Variants in NFIL3 observed in about 807,000 individuals in gnomAD.
The protein encoded by NFIL3 is nuclear factor interleukin-3-regulated protein.
NFIL3 carries 5 observed loss-of-function variants against 10.0 expected under a neutral mutation model. That is an observed-to-expected ratio of 0.50 (90% CI 0.26 to 1.06). The LOEUF is 1.06. NFIL3 is among the 50% of genes least tolerant of loss of function. The probability of loss-of-function intolerance (pLI) is 0.13; values close to 1 mark genes in which losing one functional copy is unlikely to be tolerated. For synonymous variants in NFIL3, 202 were observed against 206.5 expected, an observed-to-expected ratio of 0.98 and a Z score of 0.19; for missense variants, 436 against 547.6, an observed-to-expected ratio of 0.80 and a Z score of 2.03.
At chr9:91,415,497 T>C (rs1380507789) in intron 1 of NFIL3, among the ~76,000 whole-genome samples, 7 of 152,226 alleles carry the variant, frequency 4.6e-5, no homozygotes, top group Non-Finnish European at 1.0e-4. Context: ...TGGTTCTGCA[T>C]CTTTGCAATG....
At chr9:91,461,988 G>A in the NFIL3 span, among the ~76,000 whole-genome samples, 6 of 152,068 alleles carry the variant, frequency 3.9e-5, no homozygotes, top group African/African-American at 1.2e-4. Flanking sequence ...TTGGAATCTA[G>A]TCAACATTAA....
chr9:91,446,203 A>G, the NFIL3 span, among the ~76,000 whole-genome samples: 1 of 152,130 alleles, frequency 6.6e-6, no homozygotes, highest in Non-Finnish European at 1.5e-5. Flanking sequence ...CCTCTTGCTT[A>G]CCTTTCCCTG....
At chr9:91,464,803 C>T in the NFIL3 span, among the ~76,000 whole-genome samples, 6 of 151,996 alleles carry the variant, frequency 3.9e-5, no homozygotes, top group Non-Finnish European at 8.8e-5. Context: ...TTGGTGTGAA[C>T]TTTTTTTCTT....
At chr9:91,451,198 A>G in the NFIL3 span, among the ~76,000 whole-genome samples, 1 of 152,000 alleles carries the variant, frequency 6.6e-6, no homozygotes, top group South Asian at 2.1e-4. Context: ...TTCCAATTGC[A>G]CCCAATCCTT....
intron 1 of NFIL3, among the ~76,000 whole-genome samples, chr9:91,421,661 C>T (rs1047256033): frequency 6.6e-6 from 1 of 152,180 alleles, no homozygotes; most frequent in Non-Finnish European, 1.5e-5. Flanking sequence ...AAGGTGGCGC[C>T]ACGCGGCCCC....
rs200176892 is a variant in NFIL3, at chr9:91,409,417, A to G, written c.1318T>C (p.Leu440=). 92 of 1,613,424 alleles carry G rather than the reference A, an allele frequency of 5.7e-5. 3 individuals carry two copies. The South Asian group carries it at 9.6e-4, about 17-fold the overall frequency. ...TTGAGTGAGACAACCTCTGCAGATA[A>G]GTTTGCTATCCCCTGCTTCAAATAC... is the stretch of plus-strand genomic sequence containing the variant. ...NLYLKQGIAN[L]SAEVVSLKRL... The change falls in exon 2 of 2, where the codon TTA becomes CTA. Residue 440 remains leucine (L), a synonymous_variant. Coordinates refer to ENST00000297689, the MANE Select transcript of NFIL3 (RefSeq NM_005384.3).
Position 91,423,641 on chromosome 9 carries a change from G to C in NFIL3, c.-174C>G, listed in dbSNP as rs1268807683. ...GCCGGCGGTGGGCGGAGCGCTTACC[G>C]TGTTCCTGCTCTCGGGCCGGCGAGG... is the stretch of plus-strand genomic sequence containing the variant. On this transcript the variant is annotated splice_region_variant and 5_prime_UTR_variant, in exon 1 of 2. Coordinates refer to ENST00000297689, the MANE Select transcript of NFIL3 (RefSeq NM_005384.3). 6.9e-6 allele frequency: 1 copy of C among 145,856 alleles called. No individual in the cohort carries two copies. The highest frequency in any genetic ancestry group is 1.5e-5 in the Non-Finnish European group (1 of 65,658). The allele number at this position is 145,856 out of a possible 1,614,324, so 9.0% of individuals were successfully genotyped here. A position where few individuals can be genotyped will look rare whatever the true frequency, so the allele number is the denominator to read the frequency against.
the NFIL3 span, among the ~76,000 whole-genome samples, chr9:91,461,040 G>A: frequency 2.6e-4 from 39 of 152,280 alleles, no homozygotes; most frequent in African/African-American, 8.2e-4. Flanking sequence ...TGAATTCCAT[G>A]CTGTCTATGC....
At chr9:91,447,620 T>C in the NFIL3 span, among the ~76,000 whole-genome samples, 3 of 152,228 alleles carry the variant, frequency 2.0e-5, no homozygotes, top group Non-Finnish European at 4.4e-5. Context: ...CCTTATTGAC[T>C]ATGAGTATAT....
chr9:91,409,821 A>G lies in NFIL3; in HGVS notation c.914T>C (p.Leu305Pro), dbSNP rs765033487. The G allele has an allele frequency of 1.2e-6, 2 of 1,614,158 alleles. No homozygotes were observed. Among genetic ancestry groups the G allele is most frequent in the African/African-American group, 1.3e-5 (1 of 75,026 alleles). ...AACCACAGTTGCATGCACATGCTTG[A>G]GTTCAACTGGAGAATGGATGGGGCC... ...PKGPIHSPVE[L>P]KHVHATVVKV... The change falls in exon 2 of 2, where the codon CTC (leucine) becomes CCC (proline). Residue 305 changes from leucine (L) to proline (P), a missense_variant. By Grantham distance (98) the Leu-to-Pro change is moderately conservative. This residue lies in a region of NFIL3 where 338 missense variants were observed against 399.9 expected (regional missense o/e 0.85). Transcript: ENST00000297689.
intron 1 of NFIL3, among the ~76,000 whole-genome samples, chr9:91,421,630 G>A (rs1246002567): frequency 6.6e-6 from 1 of 151,998 alleles, no homozygotes; most frequent in African/African-American, 2.4e-5. Context: ...GCACGGACTC[G>A]CCATTGGAGA....
the NFIL3 span, among the ~76,000 whole-genome samples, chr9:91,477,318 C>T: frequency 2.0e-5 from 3 of 152,202 alleles, no homozygotes; most frequent in Non-Finnish European, 2.9e-5. Context: ...AGAACCCCCT[C>T]GTGCTTCACA....
chr9:91,461,635 G>A, the NFIL3 span, among the ~76,000 whole-genome samples: 5 of 152,128 alleles, frequency 3.3e-5, no homozygotes, highest in East Asian at 1.9e-4. Context: ...GCTTATGGCC[G>A]CGTCTCTCCA....
intron 1 of NFIL3, among the ~76,000 whole-genome samples, chr9:91,421,100 G>C (rs1356295378): frequency 6.6e-6 from 1 of 152,184 alleles, no homozygotes; most frequent in Non-Finnish European, 1.5e-5. Flanking sequence ...TTGGAACAAA[G>C]GTGTCTGCAG....
the NFIL3 span, among the ~76,000 whole-genome samples, chr9:91,464,857 G>T: frequency 2.0e-5 from 3 of 152,134 alleles, no homozygotes; most frequent in South Asian, 6.2e-4. Flanking sequence ...GGCTTGCATG[G>T]ATTCTGATGA....
the NFIL3 span, among the ~76,000 whole-genome samples, chr9:91,457,793 T>A: frequency 6.6e-5 from 10 of 152,254 alleles, no homozygotes; most frequent in African/African-American, 2.4e-4. Flanking sequence ...CTGCTAAGTA[T>A]GTTAGCTATA....
At chr9:91,450,936 C>T in the NFIL3 span, among the ~76,000 whole-genome samples, 355 of 152,306 alleles carry the variant, frequency 2.3e-3, 1 homozygote, top group African/African-American at 8.2e-3. Flanking sequence ...TAACCAGCTT[C>T]AGCTTTGTTC....
the NFIL3 span, among the ~76,000 whole-genome samples, chr9:91,451,064 G>A: frequency 2.0e-5 from 3 of 152,078 alleles, no homozygotes; most frequent in Admixed American, 6.6e-5. Flanking sequence ...TCAAGAAAAC[G>A]TTCTTTTTTC....
At chr9:91,437,996 G>A in the NFIL3 span, among the ~76,000 whole-genome samples, 3 of 152,154 alleles carry the variant, frequency 2.0e-5, no homozygotes, top group African/African-American at 7.2e-5. Context: ...TTATGAAATG[G>A]TGACTTTATT....
Sources: gnomAD v4.1 joint callset for allele counts (sites outside exome capture counted in the v4.1 genomes callset) on GRCh38, gnomAD v4.1.1 for gene constraint, gnomAD v4.1.1 regional missense constraint, MANE v1.5 for transcripts, NCBI Gene and HGNC (gene_info 2026-07-23, HGNC 2026-07-21) for gene names.